Variants in ENTREP2 observed in about 807,000 individuals in gnomAD.
The protein encoded by ENTREP2 is protein ENTREP2.
the ENTREP2 span, among the ~76,000 whole-genome samples, chr15:29,431,333 A>G: frequency 1.3e-5 from 2 of 152,138 alleles, no homozygotes; most frequent in African/African-American, 2.4e-5. Flanking sequence ...GTTTTTATGA[A>G]TCTAAAATTT....
the ENTREP2 span, among the ~76,000 whole-genome samples, chr15:29,650,939 C>A: frequency 6.6e-6 from 1 of 152,170 alleles, no homozygotes; most frequent in South Asian, 2.1e-4. Context: ...TTGCTTGAGC[C>A]CAGGAGTTTG....
chr15:29,506,193 G>A, the ENTREP2 span, among the ~76,000 whole-genome samples: 1 of 152,108 alleles, frequency 6.6e-6, no homozygotes, highest in African/African-American at 2.4e-5. Context: ...GAAATAAAGT[G>A]TGAAGACAAG....
At chr15:29,118,014 G>GT in the ENTREP2 span, 1 of 152,746 alleles carries the variant, frequency 6.5e-6, no homozygotes, top group Non-Finnish European at 1.5e-5. Context: ...GCAGCCAGCC[G>GT]TGAGTGCAGA....
the ENTREP2 span, among the ~76,000 whole-genome samples, chr15:29,326,201 A>G: frequency 6.6e-6 from 1 of 152,216 alleles, no homozygotes; most frequent in East Asian, 1.9e-4. Context: ...ACTTCTGTTC[A>G]ACATCATATT....
the ENTREP2 span, among the ~76,000 whole-genome samples, chr15:29,431,061 C>T: frequency 3.9e-5 from 6 of 152,142 alleles, no homozygotes; most frequent in East Asian, 1.9e-4. Context: ...AGGCACACTG[C>T]GGGCCCAAAC....
chr15:29,318,208 A>G, the ENTREP2 span, among the ~76,000 whole-genome samples: 4 of 152,352 alleles, frequency 2.6e-5, no homozygotes, highest in Admixed American at 2.6e-4. Context: ...GCAACCCTGC[A>G]AGGTGCAAGT....
the ENTREP2 span, among the ~76,000 whole-genome samples, chr15:29,308,103 T>C: frequency 3.3e-5 from 5 of 152,206 alleles, no homozygotes; most frequent in Non-Finnish European, 5.9e-5. Flanking sequence ...GATGCCTGTC[T>C]ACAGATTACT....
the ENTREP2 span, among the ~76,000 whole-genome samples, chr15:29,422,742 G>T: frequency 6.6e-5 from 10 of 152,316 alleles, no homozygotes; most frequent in East Asian, 1.7e-3. Context: ...AGGTGACAAG[G>T]ACTCACAAAG....
the ENTREP2 span, among the ~76,000 whole-genome samples, chr15:29,444,475 CTT>C: frequency 2.1e-5 from 3 of 140,168 alleles, no homozygotes; most frequent in African/African-American, 8.4e-5. Context: ...TTCTTTTTTT[CTT>C]TTTTTTCTTT....
At chr15:29,367,810 T>C in the ENTREP2 span, among the ~76,000 whole-genome samples, 1 of 152,050 alleles carries the variant, frequency 6.6e-6, no homozygotes, top group East Asian at 1.9e-4. Context: ...TGGTAGACAA[T>C]TCAGTAGCCA....
chr15:29,223,243 T>C, the ENTREP2 span, among the ~76,000 whole-genome samples: 81 of 152,314 alleles, frequency 5.3e-4, no homozygotes, highest in African/African-American at 1.7e-3. Context: ...TTAGCTTCTC[T>C]TGAAAAGTTT....
the ENTREP2 span, among the ~76,000 whole-genome samples, chr15:29,630,671 GC>G: frequency 1.3e-5 from 2 of 151,754 alleles, no homozygotes; most frequent in Non-Finnish European, 2.9e-5. Flanking sequence ...TTTCCCCCAG[GC>G]TATTTTCTCT....
chr15:29,150,982 G>A, the ENTREP2 span, among the ~76,000 whole-genome samples: 20 of 152,036 alleles, frequency 1.3e-4, no homozygotes, highest in South Asian at 4.2e-4. Context: ...ACACACACGC[G>A]TGCGCATAGA....
the ENTREP2 span, among the ~76,000 whole-genome samples, chr15:29,408,626 T>C: frequency 6.6e-6 from 1 of 152,228 alleles, no homozygotes; most frequent in Admixed American, 6.5e-5. Context: ...AGCCTATTTA[T>C]ATTCTCTGGC....
At chr15:29,643,773 T>G in the ENTREP2 span, among the ~76,000 whole-genome samples, 1 of 139,848 alleles carries the variant, frequency 7.2e-6, no homozygotes, top group African/African-American at 2.8e-5. Flanking sequence ...GGAGCGAGAC[T>G]CTGTCTCAAA....
chr15:29,284,848 G>C, the ENTREP2 span, among the ~76,000 whole-genome samples: 1 of 152,166 alleles, frequency 6.6e-6, no homozygotes, highest in Non-Finnish European at 1.5e-5. Flanking sequence ...CAGTGAGAGT[G>C]AATCTCGTAA....
chr15:29,594,959 T>C, the ENTREP2 span, among the ~76,000 whole-genome samples: 1 of 144,906 alleles, frequency 6.9e-6, no homozygotes, highest in South Asian at 2.2e-4. Context: ...CCCCAGCTAC[T>C]GGGGAGGCTG....
At chr15:29,395,712 C>T in the ENTREP2 span, among the ~76,000 whole-genome samples, 99,046 of 148,574 alleles carry the variant, frequency 0.67, 34,200 homozygotes, top group Admixed American at 0.77. Flanking sequence ...ATTTTTTTTT[C>T]TCAAGAGATG....
chr15:29,660,088 C>A, the ENTREP2 span, among the ~76,000 whole-genome samples: 8,686 of 152,242 alleles, frequency 0.057, 320 homozygotes, highest in African/African-American at 0.09. Context: ...AGGCGTGAGC[C>A]ACCACACCCA....
Sources: allele counts gnomAD v4.1 joint callset (sites outside exome capture counted in the v4.1 genomes callset), GRCh38; gene constraint gnomAD v4.1.1; transcripts MANE v1.5; gene names NCBI Gene and HGNC (gene_info 2026-07-23, HGNC 2026-07-21).